FSTL4: variants seen among roughly 807,000 people sequenced by gnomAD.
FSTL4 encodes follistatin like 4.
Under a neutral mutation model 78.2 loss-of-function variants are expected in FSTL4, and 28 were observed. The observed-to-expected ratio is 0.36, with a 90% CI of 0.27 to 0.49. The LOEUF is 0.49. Ranked by LOEUF, FSTL4 falls within the 20% of genes least tolerant of loss-of-function variation. The probability of loss-of-function intolerance (pLI) is 0.98; values close to 1 mark genes in which losing one functional copy is unlikely to be tolerated. For synonymous variants in FSTL4, 422 were observed against 440.5 expected, an observed-to-expected ratio of 0.96 and a Z score of 0.53; for missense variants, 922 against 1,084.9, an observed-to-expected ratio of 0.85 and a Z score of 2.11.
intron 3 of FSTL4, among the ~76,000 whole-genome samples, chr5:133,435,099 A>G (rs1757010598): frequency 6.6e-6 from 1 of 152,258 alleles, no homozygotes; most frequent in African/African-American, 2.4e-5. Context: ...GTCATCAAAT[A>G]TATCAACCAT....
chr5:133,307,293 A>G (rs1240031574), intron 6 of FSTL4, among the ~76,000 whole-genome samples: 1 of 152,166 alleles, frequency 6.6e-6, no homozygotes, highest in African/African-American at 2.4e-5. Context: ...GGAGGAGAAG[A>G]CCATTGAGTT....
At chr5:133,570,724 TA>T (rs1023947060) in intron 2 of FSTL4, among the ~76,000 whole-genome samples, 2 of 152,164 alleles carry the variant, frequency 1.3e-5, no homozygotes, top group Non-Finnish European at 2.9e-5. Flanking sequence ...AAAGTGGAAT[TA>T]AAAAAAAGTT....
At chr5:133,350,136 AC>A (rs1561682212) in intron 4 of FSTL4, among the ~76,000 whole-genome samples, 1 of 145,354 alleles carries the variant, frequency 6.9e-6, no homozygotes, top group Non-Finnish European at 1.5e-5. Context: ...ACTGTAAAGG[AC>A]CCATAGGATG....
intron 4 of FSTL4, among the ~76,000 whole-genome samples, chr5:133,393,402 G>C (rs1211425705): frequency 2.0e-5 from 3 of 152,210 alleles, no homozygotes; most frequent in East Asian, 3.8e-4. Flanking sequence ...TCCTGGCACA[G>C]CCTTAGCACC....
the FSTL4 span, among the ~76,000 whole-genome samples, chr5:133,838,959 C>T: frequency 6.6e-6 from 1 of 152,212 alleles, no homozygotes; most frequent in African/African-American, 2.4e-5. Flanking sequence ...AATACAACTG[C>T]CACAATGGCT....
At chr5:133,469,150 G>A (rs1580729075) in intron 3 of FSTL4, among the ~76,000 whole-genome samples, 1 of 152,330 alleles carries the variant, frequency 6.6e-6, no homozygotes, top group Non-Finnish European at 1.5e-5. Flanking sequence ...CAGAGGGCAG[G>A]AGCCAGAGGA....
At chr5:133,673,022 A>T in the FSTL4 span, among the ~76,000 whole-genome samples, 8,630 of 152,264 alleles carry the variant, frequency 0.057, 455 homozygotes, top group Middle Eastern at 0.14. Flanking sequence ...AAGCAAAGGC[A>T]GGAAGGCTGG....
At chr5:133,491,651 C>T (rs1357281715) in intron 3 of FSTL4, among the ~76,000 whole-genome samples, 2 of 152,118 alleles carry the variant, frequency 1.3e-5, no homozygotes, top group African/African-American at 4.8e-5. Context: ...ATCCACCCAC[C>T]TCGGCCTCCC....
At chr5:133,562,025 T>G (rs1254352400) in intron 3 of FSTL4, among the ~76,000 whole-genome samples, 1 of 152,190 alleles carries the variant, frequency 6.6e-6, no homozygotes, top group Non-Finnish European at 1.5e-5. Context: ...GCCCAGTGAC[T>G]GTAGAAGAAC....
intron 4 of FSTL4, among the ~76,000 whole-genome samples, chr5:133,392,014 A>G (rs762039476): frequency 9.2e-5 from 14 of 152,232 alleles, no homozygotes; most frequent in Non-Finnish European, 1.5e-4. Context: ...TAGTACATGA[A>G]TATTGCTGAA....
the FSTL4 span, among the ~76,000 whole-genome samples, chr5:133,788,940 C>T: frequency 1.3e-5 from 2 of 152,136 alleles, no homozygotes; most frequent in African/African-American, 4.8e-5. Flanking sequence ...AAATACATTA[C>T]GACCCCAGAA....
chr5:133,501,018 G>A (rs577064691), intron 3 of FSTL4, among the ~76,000 whole-genome samples: 2 of 152,252 alleles, frequency 1.3e-5, no homozygotes, highest in African/African-American at 4.8e-5. Flanking sequence ...ATAAAAGGGA[G>A]ACTCTAAGTG....
intron 14 of FSTL4, among the ~76,000 whole-genome samples, chr5:133,204,449 A>AAAAAT (rs1383117050): frequency 6.6e-6 from 1 of 152,222 alleles, no homozygotes; most frequent in Non-Finnish European, 1.5e-5. Flanking sequence ...GTGAGAGATT[A>AAAAAT]AAAATAATGT....
chr5:133,425,330 C>T (rs1014146962), intron 3 of FSTL4, among the ~76,000 whole-genome samples: 5 of 152,146 alleles, frequency 3.3e-5, no homozygotes, highest in African/African-American at 1.2e-4. Context: ...CAGCAGGAGA[C>T]CCAGAGCAAG....
rs1390262164 is a variant in FSTL4 at position 133,199,026 on chromosome 5, G to A, written c.*69C>T. ...GCTTTTGTCTGTAAAAATGTACAGC[G>A]TACCTGCTTGAGGCTGCAGTGTCAG... On this transcript the variant is annotated 3_prime_UTR_variant, in exon 16 of 16. Transcript: ENST00000265342. The surrounding 1 kb of genome is among the most constrained non-coding windows in gnomAD (Gnocchi z 4.4). The A allele has an allele frequency of 1.1e-5, 11 of 975,250 alleles. No homozygotes were observed. In the East Asian group the frequency reaches 1.7e-4, roughly 15 times the overall value. The allele number at this position is 975,250 out of a possible 1,614,324, so 60.4% of individuals were successfully genotyped here. A position where few individuals can be genotyped will look rare whatever the true frequency, so the allele number is the denominator to read the frequency against.
At chr5:133,709,249 T>G in the FSTL4 span, among the ~76,000 whole-genome samples, 36 of 152,314 alleles carry the variant, frequency 2.4e-4, no homozygotes, top group African/African-American at 8.4e-4. Flanking sequence ...TTATAGTGAT[T>G]GGACCAAACG....
chr5:133,801,557 C>T, the FSTL4 span, among the ~76,000 whole-genome samples: 1 of 152,250 alleles, frequency 6.6e-6, no homozygotes, highest in African/African-American at 2.4e-5. Flanking sequence ...TGCACAACAG[C>T]CTAGCCTCCT....
At chr5:133,288,351 G>T (rs1369774129) in intron 6 of FSTL4, among the ~76,000 whole-genome samples, 1 of 152,144 alleles carries the variant, frequency 6.6e-6, no homozygotes, top group African/African-American at 2.4e-5. Flanking sequence ...GGGACAGGGA[G>T]CCCCAGGCAC....
At chr5:133,322,106 G>C (rs987538154) in intron 4 of FSTL4, among the ~76,000 whole-genome samples, 6 of 152,064 alleles carry the variant, frequency 3.9e-5, no homozygotes, top group African/African-American at 1.5e-4. Flanking sequence ...CCCCTCCATA[G>C]CTGGAAATTC....
Sources: allele counts gnomAD v4.1 joint callset (sites outside exome capture counted in the v4.1 genomes callset), GRCh38; gene constraint gnomAD v4.1.1; non-coding constraint Gnocchi (gnomAD v3.1); transcripts MANE v1.5; gene names NCBI Gene and HGNC (gene_info 2026-07-23, HGNC 2026-07-21).